LRRTM4: variants seen among roughly 807,000 people sequenced by gnomAD.
LRRTM4 encodes the protein leucine rich repeat transmembrane neuronal 4, also known as leucine-rich repeat transmembrane neuronal protein 4.
Under a neutral mutation model 47.6 loss-of-function variants are expected in LRRTM4, and 25 were observed. The observed-to-expected ratio is 0.53, with a 90% CI of 0.38 to 0.73. The LOEUF is 0.73. Among genes scored for constraint, LRRTM4 ranks in the 30% least tolerant of loss-of-function variants. LRRTM4 has a pLI of 0.00. For missense variants in LRRTM4, 638 were observed against 713.4 expected (o/e 0.89, Z 1.20); for synonymous variants, 311 against 269.5 (o/e 1.15, Z -1.51).
rs189058311 is a variant in LRRTM4, at chr2:77,324,572, G to A, written c.1551+193746C>T. 1.3e-3 allele frequency among the ~76,000 whole-genome samples: 195 copies of A among 152,194 alleles called. 1 individual carries two copies. The highest frequency in any genetic ancestry group is 4.5e-3 in the African/African-American group (188 of 41,540). On this transcript the variant is annotated intron_variant, in intron 3 of 3. Coordinates refer to ENST00000409884, the MANE Select transcript of LRRTM4 (RefSeq NM_001134745.3). ...AGCATTCACATCAGCCCTGAGACAG[G>A]AAATAACTTTGTGCTCTTAGGAAAC...
intron 3 of LRRTM4, among the ~76,000 whole-genome samples, chr2:77,191,971 G>A (rs894433888): frequency 2.0e-5 from 3 of 151,818 alleles, no homozygotes; most frequent in Non-Finnish European, 4.4e-5. Context: ...CACTGAAAAG[G>A]TCAGAATAAA....
intron 3 of LRRTM4, among the ~76,000 whole-genome samples, chr2:76,902,774 G>T (rs1435124697): frequency 6.6e-6 from 1 of 152,138 alleles, no homozygotes; most frequent in Non-Finnish European, 1.5e-5. Context: ...GAATCAAACT[G>T]CCCTAGTTTT....
intron 3 of LRRTM4, among the ~76,000 whole-genome samples, chr2:77,112,412 T>C (rs1370998869): frequency 6.6e-6 from 1 of 152,240 alleles, no homozygotes; most frequent in Non-Finnish European, 1.5e-5. Flanking sequence ...CCTATTTCTT[T>C]AAAATGACCA....
rs534656993 is a variant in LRRTM4 at position 76,981,863 on chromosome 2, A to C, written c.1552-232947T>G. ...GTAGAGCAATGGAACATACAATATG[A>C]GTTTTGTTTTAAACATTAGATAAAG... On this transcript the variant is annotated intron_variant, in intron 3 of 3. Transcript: ENST00000409884. Among the ~76,000 whole-genome samples, 81 of 152,058 alleles carry C rather than the reference A, an allele frequency of 5.3e-4. 1 individual carries two copies. The highest frequency in any genetic ancestry group is 1.4e-3 in the Admixed American group (22 of 15,272).
chr2:76,936,061 C>A (rs569959070), intron 3 of LRRTM4, among the ~76,000 whole-genome samples: 90 of 152,216 alleles, frequency 5.9e-4, no homozygotes, highest in Non-Finnish European at 1.0e-3. Flanking sequence ...ACTAGAAATA[C>A]CATTTGACCC....
At position 77,169,038 on chromosome 2, in the gene LRRTM4, T is replaced by TA. The variant is rs536564548; in HGVS notation, c.1551+349279dup. On this transcript the variant is annotated intron_variant, in intron 3 of 3. Coordinates refer to ENST00000409884, the MANE Select transcript of LRRTM4 (RefSeq NM_001134745.3). ...GATATAATTCAATATCCTTTTATGA[T>TA]AAAAAACTCTGAAAAAGTAGGCATA... Among the ~76,000 whole-genome samples, 168 of 152,236 alleles carry TA rather than the reference T, an allele frequency of 1.1e-3. 2 individuals are homozygous for TA. The highest frequency in any genetic ancestry group is 2.9e-3 in the African/African-American group (122 of 41,554).
rs1674490523 is a variant in LRRTM4 at position 77,412,704 on chromosome 2, A to T, written c.1551+105614T>A. On this transcript the variant is annotated intron_variant, in intron 3 of 3. Coordinates refer to ENST00000409884, the MANE Select transcript of LRRTM4 (RefSeq NM_001134745.3). ...AAACTAATCAGAAATTACTGTCACT[A>T]ATAAAACACAATTTTCAATATTATT... Among the ~76,000 whole-genome samples the T allele has an allele frequency of 2.0e-5, 3 of 152,316 alleles. No homozygotes were observed. In the South Asian group the frequency reaches 6.2e-4, roughly 32 times the overall value.
intron 3 of LRRTM4, among the ~76,000 whole-genome samples, chr2:77,128,819 T>C (rs1671722362): frequency 7.0e-6 from 1 of 143,782 alleles, no homozygotes; most frequent in South Asian, 2.2e-4. Context: ...TTTGTATTTT[T>C]AGCAGAGATG....
intron 3 of LRRTM4, among the ~76,000 whole-genome samples, chr2:76,974,818 T>C (rs1227053806): frequency 6.6e-6 from 1 of 151,822 alleles, no homozygotes; most frequent in African/African-American, 2.4e-5. Flanking sequence ...GCACAGTTTT[T>C]GTCTTTTCAA....
At chr2:77,033,357 T>G (rs1003992463) in intron 3 of LRRTM4, among the ~76,000 whole-genome samples, 1 of 151,730 alleles carries the variant, frequency 6.6e-6, no homozygotes, top group Non-Finnish European at 1.5e-5. Flanking sequence ...TATCGAAGTC[T>G]AACAGCAATG....
intron 3 of LRRTM4, among the ~76,000 whole-genome samples, chr2:77,367,904 G>T (rs1242856766): frequency 6.6e-6 from 1 of 151,718 alleles, no homozygotes; most frequent in African/African-American, 2.4e-5. Context: ...GTCACATATG[G>T]CTACTTAAAT....
chr2:77,286,556 T>C (rs915633510), intron 3 of LRRTM4, among the ~76,000 whole-genome samples: 2 of 151,660 alleles, frequency 1.3e-5, no homozygotes, highest in African/African-American at 4.8e-5. Context: ...TTTTTCTCAA[T>C]TGGCAGTTTT....
intron 3 of LRRTM4, among the ~76,000 whole-genome samples, chr2:77,436,786 T>C (rs2103918024): frequency 6.6e-6 from 1 of 152,078 alleles, no homozygotes; most frequent in African/African-American, 2.4e-5. Flanking sequence ...ATGTAGTATA[T>C]AAAACTAAAA....
chr2:77,284,259 G>A (rs1284529800), intron 3 of LRRTM4, among the ~76,000 whole-genome samples: 2 of 151,982 alleles, frequency 1.3e-5, no homozygotes, highest in African/African-American at 4.8e-5. Flanking sequence ...TGGTCTGTTA[G>A]CGATAATTAT....
In LRRTM4 at chr2:76,748,451, C is replaced by T. The variant is rs950340265; in HGVS notation, c.*244G>A. The T allele has an allele frequency of 1.9e-6, 1 of 527,142 alleles. No homozygotes were observed. The highest frequency in any genetic ancestry group is 3.4e-6 in the Non-Finnish European group (1 of 296,098). 32.7% of individuals were successfully genotyped at this position (527,142 alleles called of 1,614,324 possible). A position where few individuals can be genotyped will look rare whatever the true frequency, so the allele number is the denominator to read the frequency against. Reference sequence around the variant, plus strand: ...CACTCTTACTATTTACATCCGGGAGCATTTTTGTTTGTTTTATGTTTTAAA... The same window carrying T: ...CACTCTTACTATTTACATCCGGGAGTATTTTTGTTTGTTTTATGTTTTAAA... On this transcript the variant is annotated 3_prime_UTR_variant, in exon 4 of 4. Transcript: ENST00000409884.
At chr2:76,935,359 T>A (rs985924287) in intron 3 of LRRTM4, among the ~76,000 whole-genome samples, 4 of 152,158 alleles carry the variant, frequency 2.6e-5, no homozygotes, top group African/African-American at 9.7e-5. Flanking sequence ...CATATGAAAT[T>A]TAAAGTAGTT....
At chr2:77,187,564 T>G (rs920100940) in intron 3 of LRRTM4, among the ~76,000 whole-genome samples, 5 of 151,976 alleles carry the variant, frequency 3.3e-5, no homozygotes, top group Admixed American at 3.3e-4. Flanking sequence ...ACATGGCACG[T>G]GTATACATAT....
Position 77,105,158 on chromosome 2 carries a change from G to A in LRRTM4, c.1552-356242C>T, listed in dbSNP as rs540803001. ...AGTCCCAATATGTGAATATTATTTG[G>A]ATGCTGAGTATAACAACAACAAAAA... On this transcript the variant is annotated intron_variant, in intron 3 of 3. Transcript: ENST00000409884. 2.0e-5 allele frequency among the ~76,000 whole-genome samples: 3 copies of A among 152,166 alleles called. No individual in the cohort carries two copies. The East Asian group carries it at 5.8e-4, about 29-fold the overall frequency.
chr2:77,259,989 T>G (rs1009690988), intron 3 of LRRTM4, among the ~76,000 whole-genome samples: 17 of 152,048 alleles, frequency 1.1e-4, no homozygotes, highest in African/African-American at 3.9e-4. Flanking sequence ...GTGCATTCTA[T>G]GTGGAGAGTT....
Sources: gnomAD v4.1 joint callset for allele counts (sites outside exome capture counted in the v4.1 genomes callset) on GRCh38, gnomAD v4.1.1 for gene constraint, MANE v1.5 for transcripts, NCBI Gene and HGNC (gene_info 2026-07-23, HGNC 2026-07-21) for gene names.